The following IPO11 variants were observed in gnomAD, a reference collection of about 807,000 sequenced individuals.
IPO11 encodes importin-11.
IPO11 carries 66 observed loss-of-function variants against 143.2 expected under a neutral mutation model. The ratio of observed to expected loss-of-function variants is 0.46; its 90% CI spans 0.38 to 0.57. The LOEUF (loss-of-function observed/expected upper bound fraction) is 0.57. IPO11 is among the 20% of genes least tolerant of loss of function. The probability of loss-of-function intolerance (pLI) is 0.00; values close to 1 mark genes in which losing one functional copy is unlikely to be tolerated. For synonymous variants in IPO11, 385 were observed against 377.8 expected, an observed-to-expected ratio of 1.02 and a Z score of -0.22; for missense variants, 1,026 against 1,141.0, an observed-to-expected ratio of 0.90 and a Z score of 1.45.
intron 29 of IPO11, among the ~76,000 whole-genome samples, chr5:62,625,564 A>G (rs569712905): frequency 2.6e-5 from 4 of 152,362 alleles, no homozygotes; most frequent in Non-Finnish European, 4.4e-5. Context: ...AACTATTTCA[A>G]TGGAAATACT....
intron 14 of IPO11, 115 bp from the exon 15 acceptor site, chr5:62,490,000 T>C: frequency 2.1e-6 from 1 of 471,564 alleles, no homozygotes; most frequent in East Asian, 3.4e-5. Context: ...TCTACTTAAA[T>C]AATTTCCCTG....
At chr5:62,481,707 A>G (rs939399520) in intron 9 of IPO11, among the ~76,000 whole-genome samples, 2 of 151,976 alleles carry the variant, frequency 1.3e-5, no homozygotes, top group Non-Finnish European at 2.9e-5. Context: ...TTCATCAGGG[A>G]TATTGGTCTA....
At chr5:62,474,540 G>T in intron 8 of IPO11, 76 bp downstream of exon 8, 1 of 960,234 alleles carries the variant, frequency 1.0e-6, no homozygotes. Context: ...TTAATAGCTA[G>T]GATTAATGAG....
chr5:62,622,021 T>C (rs1262420182), intron 29 of IPO11, among the ~76,000 whole-genome samples: 1 of 152,074 alleles, frequency 6.6e-6, no homozygotes, highest in Non-Finnish European at 1.5e-5. Context: ...TTTAAAGAGC[T>C]TGTAATTAGT....
Position 62,483,216 on chromosome 5 carries a change from G to A in IPO11, c.944G>A (p.Arg315Gln), listed in dbSNP as rs372233722. The A allele has an allele frequency of 7.5e-6, 12 of 1,610,618 alleles. No homozygotes were observed. Among genetic ancestry groups the A allele is most frequent in the African/African-American group, 4.0e-5 (3 of 74,820 alleles). ...TEVGEGVTFE[R>Q]FIVQCMNLIK... ...GTTGGTGAAGGCGTTACATTTGAAC[G>A]ATTCATTGTCCAATGTATGAATCTT... The change falls in exon 10 of 30, where the codon CGA becomes CAA. Residue 315 changes from arginine to glutamine, a missense_variant. This residue lies in a region of IPO11 where 429 missense variants were observed against 456.3 expected (regional missense o/e 0.94). Coordinates refer to ENST00000325324, the MANE Select transcript of IPO11 (RefSeq NM_016338.5).
intron 27 of IPO11, among the ~76,000 whole-genome samples, chr5:62,586,768 A>AAAAAAATATATAT (rs1554057003): frequency 3.5e-5 from 1 of 28,918 alleles, no homozygotes; most frequent in African/African-American, 1.3e-4. Context: ...AAAAAAAAAA[A>AAAAAAATATATAT]ATATATATAT....
intron 7 of IPO11, among the ~76,000 whole-genome samples, chr5:62,472,659 C>T (rs1406598252): frequency 2.0e-5 from 3 of 151,624 alleles, no homozygotes; most frequent in Admixed American, 2.0e-4. Flanking sequence ...TCTTGAGTAG[C>T]TGGGGTTACA....
chr5:62,575,127 CTTGGCA>C (rs1580340982), intron 27 of IPO11, among the ~76,000 whole-genome samples: 1 of 152,158 alleles, frequency 6.6e-6, no homozygotes, highest in African/African-American at 2.4e-5. Context: ...GGTGACATAT[CTTGGCA>C]GTAATGCTCA....
intron 27 of IPO11, chr5:62,580,088 C>T (rs752175755): frequency 6.4e-7 from 1 of 1,551,014 alleles, no homozygotes; most frequent in Non-Finnish European, 8.7e-7. Flanking sequence ...AATAATTTAA[C>T]AAAAGTACCA....
intron 16 of IPO11, among the ~76,000 whole-genome samples, chr5:62,503,954 T>C (rs928652044): frequency 1.3e-5 from 2 of 152,212 alleles, no homozygotes; most frequent in East Asian, 1.9e-4. Context: ...GATTGAAATA[T>C]AGAATTTAGT....
intron 16 of IPO11, among the ~76,000 whole-genome samples, chr5:62,501,575 A>G (rs967962518): frequency 3.9e-5 from 6 of 152,134 alleles, no homozygotes; most frequent in African/African-American, 1.4e-4. Flanking sequence ...TCCTTGATTC[A>G]GGAGGAGATG....
chr5:62,480,021 A>G (rs866698465), intron 9 of IPO11, among the ~76,000 whole-genome samples: 2 of 152,138 alleles, frequency 1.3e-5, no homozygotes, highest in African/African-American at 4.8e-5. Context: ...GCCCATACCT[A>G]TGTCCTGAAT....
At chr5:62,622,286 A>C (rs973189257) in intron 29 of IPO11, among the ~76,000 whole-genome samples, 2 of 152,200 alleles carry the variant, frequency 1.3e-5, no homozygotes, top group Non-Finnish European at 2.9e-5. Context: ...CACTAGGAGT[A>C]GGACTTAGAC....
At chr5:62,556,434 A>G (rs1181992813) in intron 26 of IPO11, among the ~76,000 whole-genome samples, 2 of 152,242 alleles carry the variant, frequency 1.3e-5, no homozygotes, top group African/African-American at 4.8e-5. Context: ...CTTTGAAAGC[A>G]AACACATTTT....
chr5:62,579,089 TATTAA>T (rs1744438989), intron 27 of IPO11, among the ~76,000 whole-genome samples: 1 of 152,118 alleles, frequency 6.6e-6, no homozygotes, highest in Non-Finnish European at 1.5e-5. Flanking sequence ...TAAAGGGACA[TATTAA>T]ATTCAAAGAT....
chr5:62,599,297 A>G (rs16890857), intron 28 of IPO11, among the ~76,000 whole-genome samples: 14,725 of 152,298 alleles, frequency 0.097, 876 homozygotes, highest in East Asian at 0.26. Flanking sequence ...GTAGAGTGGA[A>G]CTAAGCTTTT....
At chr5:62,422,489 T>C (rs535840030) in intron 1 of IPO11, 130 of 152,318 alleles carry the variant, frequency 8.5e-4, no homozygotes, top group African/African-American at 2.9e-3. Context: ...TACAGACATG[T>C]ATTTTTGTTT....
intron 5 of IPO11, among the ~76,000 whole-genome samples, 175 bp from the exon 6 acceptor site, chr5:62,466,956 C>T (rs537415474): frequency 6.6e-6 from 1 of 152,184 alleles, no homozygotes; most frequent in Non-Finnish European, 1.5e-5. Context: ...GTATGTGTTA[C>T]TGTGCATTGT....
At chr5:62,419,645 T>C (rs1743428958) in intron 1 of IPO11, among the ~76,000 whole-genome samples, 1 of 152,172 alleles carries the variant, frequency 6.6e-6, no homozygotes, top group African/African-American at 2.4e-5. Context: ...TGTCTGAGGC[T>C]GTTTTACAGT....
Sources: allele counts gnomAD v4.1 joint callset (sites outside exome capture counted in the v4.1 genomes callset), GRCh38; gene constraint gnomAD v4.1.1; regional missense constraint gnomAD v4.1.1; transcripts MANE v1.5; gene names NCBI Gene and HGNC (gene_info 2026-07-23, HGNC 2026-07-21).